The following ATF7 variants were observed in gnomAD, a reference collection of about 807,000 sequenced individuals.
ATF7 encodes cyclic AMP-dependent transcription factor ATF-7.
A neutral mutation model predicts 50.4 loss-of-function variants in ATF7; 10 were observed. That is an observed-to-expected ratio of 0.20 (90% CI 0.12 to 0.34). The LOEUF (loss-of-function observed/expected upper bound fraction) is 0.34, where lower values mean the gene tolerates loss of function less well. ATF7 is among the 10% of genes least tolerant of loss of function. The pLI is 1.00. For missense variants in ATF7, 465 were observed against 613.9 expected (o/e 0.76, Z 2.56); for synonymous variants, 201 against 226.4 (o/e 0.89, Z 1.01).
chr12:53,517,219 A>AT lies in ATF7; in HGVS notation c.1369dup (p.Met457AsnfsTer175). 1 of 1,614,054 alleles carries AT rather than the reference A, an allele frequency of 6.2e-7. No individual in the cohort carries two copies. The highest frequency in any genetic ancestry group is 8.5e-7 in the Non-Finnish European group (1 of 1,179,890). On this transcript the variant is annotated frameshift_variant, in exon 12 of 12. Transcript: ENST00000420353. LOFTEE classifies it high-confidence loss of function. ...GCTCAGTTCTGTCCTTTGGCTGGCC[A>AT]TCTGAGTGAGGACCGAGGTGGCCAC... is the stretch of plus-strand genomic sequence containing the variant.
chr12:53,610,181 CAG>C (rs1943802476), intron 1 of ATF7, among the ~76,000 whole-genome samples: 1 of 151,932 alleles, frequency 6.6e-6, no homozygotes, highest in Non-Finnish European at 1.5e-5. Context: ...AAAACTGAGG[CAG>C]AGAGTTACAA....
chr12:53,575,280 G>A (rs1331294554), intron 2 of ATF7, among the ~76,000 whole-genome samples: 2 of 152,240 alleles, frequency 1.3e-5, no homozygotes, highest in Middle Eastern at 3.4e-3. Flanking sequence ...GGTGGTGCAC[G>A]CCTGTAATCC....
chr12:53,611,873 C>T (rs1055519245), intron 1 of ATF7, among the ~76,000 whole-genome samples: 1 of 152,074 alleles, frequency 6.6e-6, no homozygotes, highest in Non-Finnish European at 1.5e-5. Context: ...GTATTACAGA[C>T]ATGAGCCACC....
At chr12:53,518,634 T>C (rs775903562) in intron 11 of ATF7, among the ~76,000 whole-genome samples, 4 of 152,178 alleles carry the variant, frequency 2.6e-5, no homozygotes, top group Non-Finnish European at 4.4e-5. Context: ...GTCAAGGAGT[T>C]TTATTAAACA....
intron 11 of ATF7, 111 bp downstream of exon 11, chr12:53,523,165 G>A (rs1012230638): frequency 3.7e-6 from 3 of 813,104 alleles, no homozygotes; most frequent in East Asian, 2.6e-5. Context: ...ACTCATCAGC[G>A]TGGGGTCCCC....
At chr12:53,555,766 T>G (rs1940707311) in intron 2 of ATF7, among the ~76,000 whole-genome samples, 1 of 152,042 alleles carries the variant, frequency 6.6e-6, no homozygotes, top group Non-Finnish European at 1.5e-5. Flanking sequence ...TGCCTTGACC[T>G]CCCAAAGTGC....
At chr12:53,621,186 T>C (rs1261604754) in intron 1 of ATF7, among the ~76,000 whole-genome samples, 1 of 152,192 alleles carries the variant, frequency 6.6e-6, no homozygotes, top group South Asian at 2.1e-4. Context: ...TGCTATTTCA[T>C]AGAAAATAAA....
intron 4 of ATF7, 59 bp from the exon 5 acceptor site, chr12:53,537,611 A>G (rs1939299557): frequency 3.2e-6 from 5 of 1,573,828 alleles, no homozygotes; most frequent in Admixed American, 1.9e-5. Context: ...GGTTGAATCT[A>G]TATTTTCCCA....
At chr12:53,594,069 T>C (rs1943054693) in intron 2 of ATF7, among the ~76,000 whole-genome samples, 1 of 152,236 alleles carries the variant, frequency 6.6e-6, no homozygotes, top group African/African-American at 2.4e-5. Flanking sequence ...TGACAATATC[T>C]TGTAAGTCAA....
intron 6 of ATF7, 94 bp from the exon 7 acceptor site, chr12:53,533,353 G>A: frequency 3.9e-6 from 4 of 1,031,732 alleles, no homozygotes; most frequent in South Asian, 1.4e-5. Context: ...GTCTTCTCTA[G>A]TTAGGGAAGG....
chr12:53,524,933 T>C lies in ATF7; in HGVS notation c.928-172A>G. 1 of 607,568 alleles carries C rather than the reference T, an allele frequency of 1.6e-6. No individual in the cohort carries two copies. Among genetic ancestry groups the C allele is most frequent in the Non-Finnish European group, 2.7e-6 (1 of 365,404 alleles). 37.6% of individuals were successfully genotyped at this position (607,568 alleles called of 1,614,324 possible). On this transcript the variant is annotated intron_variant, in intron 9 of 11. Transcript: ENST00000420353. This position sits in a 1 kb window ranked among gnomAD's most constrained non-coding sequence, Gnocchi z 4.6. ...GCTTCCCTTTTGTAGGAGTCCTCAA[T>C]TTTGCCTCCTATTTCCTTCCAGTCT... is the stretch of plus-strand genomic sequence containing the variant.
chr12:53,517,908 A>G (rs993927563), intron 11 of ATF7, among the ~76,000 whole-genome samples: 1 of 152,164 alleles, frequency 6.6e-6, no homozygotes, highest in Non-Finnish European at 1.5e-5. Context: ...TCTGTTGCCC[A>G]GGCTGGAGTG....
intron 4 of ATF7, chr12:53,542,977 T>C: frequency 8.6e-7 from 1 of 1,165,958 alleles, no homozygotes; most frequent in Non-Finnish European, 1.1e-6. Context: ...GAGTGGAATT[T>C]GGCAACAAAT....
At position 53,551,523 on chromosome 12, in the gene ATF7, G is replaced by A. The variant is rs560938976; in HGVS notation, c.145+1018C>T. On this transcript the variant is annotated intron_variant, in intron 3 of 11. Transcript: ENST00000420353. ...GTTCCCATTTATGTCTTGTTCCTAA[G>A]GATTACAAATCTACAAGCTCCTAGC... Among the ~76,000 whole-genome samples the A allele has an allele frequency of 2.6e-5, 4 of 152,256 alleles. 1 individual carries two copies. In the South Asian group the frequency reaches 8.3e-4, roughly 32 times the overall value.
chr12:53,545,215 T>TGGCCTCTAACTTTCAAATG (rs1235990409), intron 3 of ATF7, among the ~76,000 whole-genome samples: 11 of 152,202 alleles, frequency 7.2e-5, no homozygotes, highest in Non-Finnish European at 1.2e-4. Flanking sequence ...ACTTTGCAGG[T>TGGCCTCTAACTTTCAAATG]GGCCTCTAAC....
At chr12:53,576,374 C>T (rs1055598316) in intron 2 of ATF7, among the ~76,000 whole-genome samples, 10 of 152,116 alleles carry the variant, frequency 6.6e-5, no homozygotes, top group African/African-American at 2.4e-4. Context: ...ACAATGTTGT[C>T]CCTTGCAAAA....
chr12:53,599,457 G>GATAT (rs149294466), intron 2 of ATF7, among the ~76,000 whole-genome samples: 10 of 149,712 alleles, frequency 6.7e-5, no homozygotes, highest in East Asian at 3.9e-4. Context: ...TATAAATGGA[G>GATAT]ATATATATAT....
At chr12:53,550,346 A>AT (rs1454245325) in intron 3 of ATF7, among the ~76,000 whole-genome samples, 4 of 147,244 alleles carry the variant, frequency 2.7e-5, no homozygotes, top group Admixed American at 2.1e-4. Context: ...AAATAAATAA[A>AT]TAAATAAATA....
intron 3 of ATF7, among the ~76,000 whole-genome samples, chr12:53,550,089 G>A (rs1459913645): frequency 1.3e-5 from 2 of 152,102 alleles, no homozygotes; most frequent in South Asian, 2.1e-4. Flanking sequence ...TTGGAAGGCC[G>A]AGGCAGGTGG....
Sources: allele counts gnomAD v4.1 joint callset (sites outside exome capture counted in the v4.1 genomes callset), GRCh38; gene constraint gnomAD v4.1.1; non-coding constraint Gnocchi (gnomAD v3.1); transcripts MANE v1.5; gene names NCBI Gene and HGNC (gene_info 2026-07-23, HGNC 2026-07-21).